The following GPR155 variants were observed in gnomAD, a reference collection of about 807,000 sequenced individuals.
The protein encoded by GPR155 is lysosomal cholesterol signaling protein.
GPR155 carries 65 observed loss-of-function variants against 93.1 expected under a neutral mutation model. That is an observed-to-expected ratio of 0.70 (90% CI 0.57 to 0.86). GPR155 has a LOEUF of 0.86. Among genes scored for constraint, GPR155 ranks in the 40% least tolerant of loss-of-function variants. The pLI, the probability that GPR155 is intolerant of heterozygous loss-of-function variation, is 0.00. For missense variants in GPR155, 838 were observed against 1,034.8 expected (o/e 0.81, Z 2.61); for synonymous variants, 319 against 360.1 (o/e 0.89, Z 1.29).
intron 5 of GPR155, 151 bp downstream of exon 5, chr2:174,468,761 A>T: frequency 1.4e-6 from 1 of 691,370 alleles, no homozygotes; most frequent in Non-Finnish European, 2.4e-6. Context: ...AACAAAACTC[A>T]GTTAATCAGA....
intron 3 of GPR155, among the ~76,000 whole-genome samples, chr2:174,471,366 G>A (rs570755273): frequency 3.6e-5 from 5 of 139,064 alleles, no homozygotes; most frequent in African/African-American, 1.4e-4. Flanking sequence ...TTGTACTCCA[G>A]CCTGGGTGAC....
At chr2:174,471,211 T>C (rs1210568493) in intron 3 of GPR155, among the ~76,000 whole-genome samples, 4 of 151,540 alleles carry the variant, frequency 2.6e-5, no homozygotes, top group Non-Finnish European at 5.9e-5. Flanking sequence ...GCTAACATGG[T>C]GAAACCCCAT....
chr2:174,452,841 G>C (rs1328087243), intron 11 of GPR155, among the ~76,000 whole-genome samples: 1 of 152,044 alleles, frequency 6.6e-6, no homozygotes, highest in African/African-American at 2.4e-5. Flanking sequence ...CAGTAGAGAC[G>C]GGGTTTCACC....
chr2:174,453,418 T>C (rs1687384486), intron 11 of GPR155, among the ~76,000 whole-genome samples: 1 of 152,070 alleles, frequency 6.6e-6, no homozygotes, highest in Admixed American at 6.6e-5. Context: ...CCCAGCACTT[T>C]GGGAGGCCGA....
At chr2:174,472,864 T>G in intron 3 of GPR155, 101 bp downstream of exon 3, 1 of 868,116 alleles carries the variant, frequency 1.2e-6, no homozygotes, top group Non-Finnish European at 1.8e-6. Context: ...GAGGGGTTAT[T>G]AATATTCAAA....
At chr2:174,465,107 C>T (rs1687801914) in intron 7 of GPR155, among the ~76,000 whole-genome samples, 1 of 152,184 alleles carries the variant, frequency 6.6e-6, no homozygotes, top group African/African-American at 2.4e-5. Flanking sequence ...CAATGTGCTA[C>T]AACATTTTGA....
At chr2:174,470,916 AAAG>A (rs372964447) in intron 3 of GPR155, among the ~76,000 whole-genome samples, 42 of 152,332 alleles carry the variant, frequency 2.8e-4, no homozygotes, top group Admixed American at 7.8e-4. Context: ...TCAAAGAAAG[AAAG>A]AAGGTTGACA....
chr2:174,480,636 G>A (rs1688291306), intron 2 of GPR155, among the ~76,000 whole-genome samples: 1 of 151,816 alleles, frequency 6.6e-6, no homozygotes, highest in Non-Finnish European at 1.5e-5. Flanking sequence ...CATAAAATTA[G>A]GCTGCTGAAA....
intron 15 of GPR155, 36 bp from the exon 16 acceptor site, chr2:174,436,452 A>T (rs757935998): frequency 6.2e-7 from 1 of 1,601,396 alleles, no homozygotes; most frequent in African/African-American, 1.3e-5. Flanking sequence ...TATTTTCTGT[A>T]AATCTGGTAT....
Position 174,460,492 on chromosome 2 carries a change from A to G in GPR155, c.1561-404T>C, listed in dbSNP as rs186723067. Among the ~76,000 whole-genome samples the G allele has an allele frequency of 7.2e-5, 11 of 152,216 alleles. No individual in the cohort carries two copies. In the East Asian group the frequency reaches 2.1e-3, roughly 29 times the overall value. On this transcript the variant is annotated intron_variant, in intron 9 of 15. Transcript: ENST00000392552. The stretch of plus-strand genomic sequence containing the variant: ...AGGGCACGTTTTTGATGGACAATAT[A>G]TCTCCACAGTTTTAAATACTCTAGA...
intron 11 of GPR155, 67 bp downstream of exon 11, chr2:174,453,668 GAA>G (rs10687822): frequency 6.4e-4 from 329 of 512,304 alleles, no homozygotes; most frequent in East Asian, 1.2e-3. Context: ...TCAAAAAAAA[GAA>G]AAAAAAAAAA....
chr2:174,444,981 G>T (rs1687075461), intron 13 of GPR155, 100 bp downstream of exon 13: 2 of 644,934 alleles, frequency 3.1e-6, no homozygotes. Context: ...TTATGTGAAA[G>T]AAAACAACAT....
intron 7 of GPR155, 31 bp downstream of exon 7, chr2:174,465,754 G>A: frequency 9.5e-7 from 1 of 1,052,954 alleles, no homozygotes. Flanking sequence ...GTGGGGAACA[G>A]ATCTCAATTT....
In GPR155 at chr2:174,481,879, A is replaced by G; in HGVS notation, c.78T>C (p.His26=). ...GTGGGTCATTAGTGGAATTAAATCC[A>G]TGCGTTACTGCTGTAGGCAAAGTCT... ...MTKTLPTAVT[H]GFNSTNDPPS... The change falls in exon 2 of 16, where the codon CAT becomes CAC. Residue 26 remains histidine (H), a synonymous_variant. Coordinates refer to ENST00000392552, the MANE Select transcript of GPR155 (RefSeq NM_152529.7). 1 of 1,614,126 alleles carries G rather than the reference A, an allele frequency of 6.2e-7. No homozygotes were observed. The highest frequency in any genetic ancestry group is 8.5e-7 in the Non-Finnish European group (1 of 1,179,968).
chr2:174,440,853 A>C (rs972803557), intron 14 of GPR155, among the ~76,000 whole-genome samples: 5 of 152,210 alleles, frequency 3.3e-5, no homozygotes, highest in Admixed American at 6.5e-5. Flanking sequence ...CCCTTCACTA[A>C]GCTGATAAAA....
At chr2:174,486,810 T>A (rs995749660) in intron 1 of GPR155, 63 bp downstream of exon 1, 1 of 152,512 alleles carries the variant, frequency 6.6e-6, no homozygotes, top group Non-Finnish European at 1.5e-5. Flanking sequence ...GAGGCAGGGG[T>A]ACCCCGTGCC....
chr2:174,455,843 T>G (rs1000273868), intron 10 of GPR155, among the ~76,000 whole-genome samples: 2 of 152,150 alleles, frequency 1.3e-5, no homozygotes, highest in Non-Finnish European at 2.9e-5. Context: ...ACGTAAATAA[T>G]TTTTTATTTT....
chr2:174,458,177 A>G (rs1345892012), intron 10 of GPR155, among the ~76,000 whole-genome samples: 1 of 152,234 alleles, frequency 6.6e-6, no homozygotes, highest in African/African-American at 2.4e-5. Context: ...ATGCAATGTT[A>G]GGCAGAATTA....
chr2:174,467,029 C>T (rs914329861), intron 5 of GPR155, among the ~76,000 whole-genome samples: 8 of 151,760 alleles, frequency 5.3e-5, no homozygotes, highest in African/African-American at 7.3e-5. Context: ...CAGTGGCGGG[C>T]GCCTGTAATC....
Sources: allele counts gnomAD v4.1 joint callset (sites outside exome capture counted in the v4.1 genomes callset), GRCh38; gene constraint gnomAD v4.1.1; transcripts MANE v1.5; gene names NCBI Gene and HGNC (gene_info 2026-07-23, HGNC 2026-07-21).